The following ST14 variants were observed in gnomAD, a reference collection of about 807,000 sequenced individuals.
ST14 encodes ST14 transmembrane serine protease matriptase.
A neutral mutation model predicts 96.5 loss-of-function variants in ST14; 40 were observed. That is an observed-to-expected ratio of 0.41 (90% CI 0.32 to 0.54). The LOEUF is 0.54. Ranked by LOEUF, ST14 falls within the 20% of genes least tolerant of loss-of-function variation. The pLI is 0.17. For missense variants in ST14, 1,066 were observed against 1,188.9 expected (o/e 0.90, Z 1.52); for synonymous variants, 506 against 492.1 (o/e 1.03, Z -0.37).
rs148170078 is a variant in ST14, at chr11:130,196,395, C to T, written c.1170C>T (p.Pro390=). The T allele has an allele frequency of 5.2e-4, 845 of 1,609,998 alleles. 1 individual carries two copies. The highest frequency in any genetic ancestry group is 6.6e-4 in the Non-Finnish European group (775 of 1,178,542). Residue 390 remains proline (P), a synonymous_variant, in exon 10 of 19, where the codon CCC becomes CCT. Transcript: ENST00000278742. ...VRFKFFYLLE[P]GVPAGTCPKD... ...TCAAATTCTTCTACCTGCTGGAGCC[C>T]GGCGTGCCTGCGGGCACCTGCCCCA...
chr11:130,182,800 C>G (rs778619083), intron 1 of ST14, among the ~76,000 whole-genome samples: 28 of 151,664 alleles, frequency 1.8e-4, no homozygotes, highest in Admixed American at 2.6e-4. Context: ...CAGGTGTCCG[C>G]CACCACACCT....
intron 1 of ST14, among the ~76,000 whole-genome samples, chr11:130,161,505 C>T (rs1427705006): frequency 1.3e-5 from 2 of 152,188 alleles, no homozygotes; most frequent in Admixed American, 1.3e-4. Flanking sequence ...GCAGGGTCTT[C>T]CTGGTCGTGT....
chr11:130,191,631 A>C (rs1011027814), intron 7 of ST14, among the ~76,000 whole-genome samples: 1 of 147,362 alleles, frequency 6.8e-6, no homozygotes, highest in African/African-American at 2.5e-5. Flanking sequence ...CAGAGGTTGC[A>C]GTGAGCCGAG....
chr11:130,183,249 C>T (rs1021414981), intron 1 of ST14, among the ~76,000 whole-genome samples: 1 of 152,192 alleles, frequency 6.6e-6, no homozygotes. Context: ...CGTGAGCCAC[C>T]ACACCCGGCC....
chr11:130,164,450 C>T (rs1367291589), intron 1 of ST14, among the ~76,000 whole-genome samples: 1 of 150,814 alleles, frequency 6.6e-6, no homozygotes, highest in African/African-American at 2.4e-5. Flanking sequence ...GACAGGGTCT[C>T]CCTCTGTCAC....
At chr11:130,208,719 G>T (rs376567779) in intron 17 of ST14, 35 bp downstream of exon 17, 5 of 1,592,282 alleles carry the variant, frequency 3.1e-6, no homozygotes, top group Non-Finnish European at 4.3e-6. Flanking sequence ...TCCGCAGAGG[G>T]CCTGGGGCCT....
chr11:130,166,865 C>A (rs1009946936), intron 1 of ST14, among the ~76,000 whole-genome samples: 2 of 152,158 alleles, frequency 1.3e-5, no homozygotes, highest in African/African-American at 4.8e-5. Context: ...TATTAAAAGT[C>A]TAATATATAC....
intron 1 of ST14, among the ~76,000 whole-genome samples, chr11:130,170,672 C>G (rs1208946011): frequency 1.3e-5 from 2 of 151,606 alleles, no homozygotes; most frequent in Non-Finnish European, 2.9e-5. Flanking sequence ...TTAGGAACCT[C>G]TTGGTTCCTA....
chr11:130,195,747 G>A (rs2136215808), intron 9 of ST14, among the ~76,000 whole-genome samples: 1 of 152,142 alleles, frequency 6.6e-6, no homozygotes, highest in Non-Finnish European at 1.5e-5. Context: ...CAGCTGCTCG[G>A]GAGACTGAGG....
At position 130,198,293 on chromosome 11, in the gene ST14, C is replaced by G. The variant is rs1272287147; in HGVS notation, c.1460-15C>G. ...ATGAGGGCCTCACGGCCGACCTCCC[C>G]TTACCCCACTCCAGGTTGCGACGCC... On this transcript the variant is annotated splice_polypyrimidine_tract_variant and intron_variant, in intron 12 of 18. Coordinates refer to ENST00000278742, the MANE Select transcript of ST14 (RefSeq NM_021978.4). 3 of 1,613,092 alleles carry G rather than the reference C, an allele frequency of 1.9e-6. No individual in the cohort carries two copies. The highest frequency in any genetic ancestry group is 2.5e-6 in the Non-Finnish European group (3 of 1,179,186).
Position 130,188,718 on chromosome 11 carries a change from C to T in ST14, c.369+61C>T. The T allele has an allele frequency of 1.9e-6, 3 of 1,613,234 alleles. No individual in the cohort carries two copies. Among genetic ancestry groups the T allele is most frequent in the Non-Finnish European group, 2.5e-6 (3 of 1,179,660 alleles). On this transcript the variant is annotated intron_variant, in intron 3 of 18. Coordinates refer to ENST00000278742, the MANE Select transcript of ST14 (RefSeq NM_021978.4). This position sits in a 1 kb window ranked among gnomAD's most constrained non-coding sequence, Gnocchi z 5.4. ...GTGCGCTGGTGTCCCACCTGCTGGG[C>T]AGGAGGGACATGCCTCGCCTGTGCT...
chr11:130,170,928 A>G lies in ST14; in HGVS notation c.81+10868A>G, dbSNP rs540604128. On this transcript the variant is annotated intron_variant, in intron 1 of 18. Transcript: ENST00000278742. ...CTTTATTGAGGTATGATTGATATGC[A>G]AAAAGCTGTACCTTTTTGTGACATT... Among the ~76,000 whole-genome samples the G allele has an allele frequency of 5.3e-5, 8 of 152,274 alleles. No individual in the cohort carries two copies. The South Asian group carries it at 1.7e-3, about 32-fold the overall frequency.
In ST14 at chr11:130,208,452, C is replaced by G. The variant is rs368765251; in HGVS notation, c.2037C>G (p.His679Gln). The change falls in exon 17 of 19, where the codon CAC becomes CAG. Residue 679 changes from histidine (H) to glutamine (Q), a missense_variant. His to Gln is a conservative substitution (Grantham distance 24). Coordinates refer to ENST00000278742, the MANE Select transcript of ST14 (RefSeq NM_021978.4). ...AGTGGACGGCCTTCCTGGGCTTGCA[C>G]GACCAGAGCCAGCGCAGCGCCCCTG... ...PTQWTAFLGL[H>Q]DQSQRSAPGV... The G allele has an allele frequency of 1.8e-5, 29 of 1,614,160 alleles. No individual in the cohort carries two copies. The highest frequency in any genetic ancestry group is 2.7e-5 in the African/African-American group (2 of 75,072).
Position 130,208,392 on chromosome 11 carries a change from A to C in ST14, c.1995-18A>C, listed in dbSNP as rs762353528. The stretch of plus-strand genomic sequence containing the variant: ...GACCCGAGTGACCGCGCAGTCTCAT[A>C]GCGGCTCTCCCTACCAGGTACTCAG... On this transcript the variant is annotated intron_variant, in intron 16 of 18. Coordinates refer to ENST00000278742, the MANE Select transcript of ST14 (RefSeq NM_021978.4). 1.9e-6 allele frequency: 3 copies of C among 1,613,856 alleles called. No individual in the cohort carries two copies. Among genetic ancestry groups the C allele is most frequent in the East Asian group, 4.5e-5 (2 of 44,880 alleles).
chr11:130,208,755 G>A, intron 17 of ST14, 71 bp downstream of exon 17: 2 of 1,529,284 alleles, frequency 1.3e-6, no homozygotes, highest in Non-Finnish European at 1.8e-6. Flanking sequence ...TTTCCTCTGC[G>A]TGTCCGGTCT....
Position 130,208,669 on chromosome 11 carries a change from C to A in ST14, c.2254C>A (p.His752Asn). 1 of 1,613,614 alleles carries A rather than the reference C, an allele frequency of 6.2e-7. No homozygotes were observed. Among genetic ancestry groups the A allele is most frequent in the African/African-American group, 1.3e-5 (1 of 75,046 alleles). Reference sequence around the variant, plus strand: ...GGCCATCTGGGTCACGGGCTGGGGACACACCCAGTATGGAGGTAAGCTTCG... The same window carrying A: ...GGCCATCTGGGTCACGGGCTGGGGAAACACCCAGTATGGAGGTAAGCTTCG... ...GKAIWVTGWGHTQYGGTGALI... is the reference protein window; with the variant it reads ...GKAIWVTGWGNTQYGGTGALI... Residue 752 changes from histidine to asparagine, a missense_variant, in exon 17 of 19, where the codon CAC (histidine) becomes AAC (asparagine). Transcript: ENST00000278742.
rs1445861166 is a variant in ST14 at position 130,198,309 on chromosome 11, T to A, written c.1461T>A (p.Ser487Arg). ...CTDHSDELNC[S>R]CDAGHQFTCK... is the part of the protein sequence containing the mutation. ...CGACCTCCCCTTACCCCACTCCAGG[T>A]TGCGACGCCGGCCACCAGTTCACGT... Residue 487 changes from serine (S) to arginine (R), a missense_variant and splice_region_variant, in exon 13 of 19, where the codon AGT becomes AGA. Transcript: ENST00000278742. 1.9e-6 allele frequency: 3 copies of A among 1,614,078 alleles called. No homozygotes were observed. The highest frequency in any genetic ancestry group is 2.5e-6 in the Non-Finnish European group (3 of 1,180,002).
intron 4 of ST14, chr11:130,189,371 G>T: frequency 2.2e-6 from 1 of 453,002 alleles, no homozygotes; most frequent in Non-Finnish European, 4.0e-6. Context: ...TTGAACCCTG[G>T]GGAATGCTGT....
Position 130,208,694 on chromosome 11 carries a change from G to A in ST14, c.2269+10G>A. ...CACACCCAGTATGGAGGTAAGCTTC[G>A]GGCTGACCTAGGGCTCCGCAGAGGG... On this transcript the variant is annotated intron_variant, in intron 17 of 18. Coordinates refer to ENST00000278742, the MANE Select transcript of ST14 (RefSeq NM_021978.4). 1.9e-6 allele frequency: 3 copies of A among 1,611,054 alleles called. No individual in the cohort carries two copies. The highest frequency in any genetic ancestry group is 2.5e-6 in the Non-Finnish European group (3 of 1,178,308).
Sources: gnomAD v4.1 joint callset for allele counts (sites outside exome capture counted in the v4.1 genomes callset) on GRCh38, gnomAD v4.1.1 for gene constraint, Gnocchi (gnomAD v3.1) non-coding constraint, MANE v1.5 for transcripts, NCBI Gene and HGNC (gene_info 2026-07-23, HGNC 2026-07-21) for gene names.